The following TMEM117 variants were observed in gnomAD, a reference collection of about 807,000 sequenced individuals.
The protein encoded by TMEM117 is transmembrane protein 117.
TMEM117 carries 27 observed loss-of-function variants against 52.4 expected under a neutral mutation model. That is an observed-to-expected ratio of 0.51 (90% CI 0.38 to 0.71). The LOEUF (loss-of-function observed/expected upper bound fraction) is 0.71, where lower values mean the gene tolerates loss of function less well. Ranked by LOEUF, TMEM117 falls within the 30% of genes least tolerant of loss-of-function variation. The probability of loss-of-function intolerance (pLI) is 0.00; values close to 1 mark genes in which losing one functional copy is unlikely to be tolerated. For missense variants in TMEM117, 556 were observed against 630.5 expected (o/e 0.88, Z 1.26); for synonymous variants, 215 against 206.3 (o/e 1.04, Z -0.36).
At chr12:44,073,422 A>T (rs563222091) in intron 3 of TMEM117, 1 of 151,034 alleles carries the variant, frequency 6.6e-6, no homozygotes, top group South Asian at 2.1e-4. Context: ...AATACCTTCA[A>T]GTATGTTTCT....
chr12:43,961,222 C>T (rs7979913), intron 3 of TMEM117, among the ~76,000 whole-genome samples: 145,153 of 152,230 alleles, frequency 0.95, 69,585 homozygotes, highest in East Asian at 1. Flanking sequence ...AAACAGAAAA[C>T]ATATATTTTA....
At chr12:43,876,720 A>G (rs569962845) in intron 2 of TMEM117, among the ~76,000 whole-genome samples, 26 of 152,292 alleles carry the variant, frequency 1.7e-4, no homozygotes, top group African/African-American at 5.1e-4. Context: ...GCGTTTTCCA[A>G]TGCTGTGCTT....
At chr12:43,826,252 A>G in the TMEM117 span, among the ~76,000 whole-genome samples, 8 of 152,204 alleles carry the variant, frequency 5.3e-5, no homozygotes, top group Non-Finnish European at 5.9e-5. Context: ...CGACAAGCCA[A>G]TAATAGGAAG....
chr12:44,350,956 G>A (rs751777938), intron 6 of TMEM117, among the ~76,000 whole-genome samples: 2 of 151,996 alleles, frequency 1.3e-5, no homozygotes, highest in African/African-American at 4.8e-5. Flanking sequence ...CTCCATAGTG[G>A]TTGTACTACT....
chr12:44,372,864 C>T (rs1214985308), intron 6 of TMEM117, among the ~76,000 whole-genome samples: 1 of 152,188 alleles, frequency 6.6e-6, no homozygotes, highest in Non-Finnish European at 1.5e-5. Flanking sequence ...TGACAACTTT[C>T]CTGAGGCAGA....
chr12:44,014,898 A>G (rs1477405644), intron 3 of TMEM117, among the ~76,000 whole-genome samples: 1 of 152,040 alleles, frequency 6.6e-6, no homozygotes, highest in Non-Finnish European at 1.5e-5. Flanking sequence ...AATATCATTT[A>G]ATTAAGCTTT....
At chr12:43,901,291 CG>C (rs1944300019) in intron 2 of TMEM117, among the ~76,000 whole-genome samples, 1 of 151,826 alleles carries the variant, frequency 6.6e-6, no homozygotes, top group Non-Finnish European at 1.5e-5. Flanking sequence ...TCATTTGCCC[CG>C]TTTTTTGTTT....
intron 2 of TMEM117, among the ~76,000 whole-genome samples, chr12:43,903,154 A>G (rs758147386): frequency 1.3e-5 from 2 of 152,218 alleles, no homozygotes; most frequent in Non-Finnish European, 2.9e-5. Context: ...CTTGATATAT[A>G]CTTTTCAGAA....
intron 3 of TMEM117, among the ~76,000 whole-genome samples, chr12:44,005,550 A>G (rs1946180897): frequency 6.6e-6 from 1 of 152,238 alleles, no homozygotes; most frequent in Admixed American, 6.5e-5. Context: ...CTGACACTTC[A>G]GGATGTTTCC....
intron 3 of TMEM117, among the ~76,000 whole-genome samples, chr12:44,132,634 G>C (rs1017911331): frequency 6.6e-6 from 1 of 152,046 alleles, no homozygotes; most frequent in Admixed American, 6.5e-5. Flanking sequence ...GACCATCCCC[G>C]TTCCTCAACC....
intron 4 of TMEM117, among the ~76,000 whole-genome samples, chr12:44,209,538 C>T (rs539620844): frequency 6.6e-6 from 1 of 152,116 alleles, no homozygotes; most frequent in South Asian, 2.1e-4. Flanking sequence ...TAGTGATTGA[C>T]AGTTTAAAGA....
intron 2 of TMEM117, among the ~76,000 whole-genome samples, chr12:43,852,762 TCAGA>T (rs1258892172): frequency 6.6e-6 from 1 of 152,238 alleles, no homozygotes; most frequent in East Asian, 1.9e-4. Context: ...AATGTATTTC[TCAGA>T]CAAACTCCTT....
intron 5 of TMEM117, among the ~76,000 whole-genome samples, chr12:44,282,139 C>T (rs1950584684): frequency 2.0e-5 from 3 of 152,078 alleles, no homozygotes; most frequent in Admixed American, 6.6e-5. Flanking sequence ...GTAAGAAGTG[C>T]CTTTCGCCTC....
intron 3 of TMEM117, among the ~76,000 whole-genome samples, chr12:43,973,258 T>C (rs1479996771): frequency 2.0e-5 from 3 of 152,136 alleles, no homozygotes; most frequent in Non-Finnish European, 4.4e-5. Flanking sequence ...AGGCCTCTCA[T>C]GTGTGCTTTA....
intron 3 of TMEM117, among the ~76,000 whole-genome samples, chr12:44,060,979 C>G (rs576205587): frequency 2.6e-5 from 4 of 152,098 alleles, no homozygotes; most frequent in Non-Finnish European, 5.9e-5. Context: ...CAGATTTAGG[C>G]ACTGTTTGGT....
chr12:43,797,238 A>T, the TMEM117 span: 10 of 1,506,582 alleles, frequency 6.6e-6, no homozygotes, highest in Admixed American at 2.2e-4. Flanking sequence ...ATAAGTAAGA[A>T]TATAGGGCTG....
At chr12:44,044,828 G>A (rs1226783315) in intron 3 of TMEM117, among the ~76,000 whole-genome samples, 6 of 152,228 alleles carry the variant, frequency 3.9e-5, no homozygotes, top group African/African-American at 1.4e-4. Flanking sequence ...ACCTGGTTGT[G>A]CACTTTGCAT....
At chr12:44,099,930 A>C (rs1308707131) in intron 3 of TMEM117, among the ~76,000 whole-genome samples, 1 of 151,388 alleles carries the variant, frequency 6.6e-6, no homozygotes, top group African/African-American at 2.4e-5. Flanking sequence ...TGATGACCTG[A>C]TATTGCTTTA....
rs537130469 is a variant in TMEM117, at chr12:43,838,678, T to C, written c.-29+2482T>C. ...GTCATCACTTAGTACTTACTCTTACTTCCTTCCCATTGGAATTTTATTCTG... is the reference window on the plus strand; with the variant it reads ...GTCATCACTTAGTACTTACTCTTACCTCCTTCCCATTGGAATTTTATTCTG... On this transcript the variant is annotated intron_variant, in intron 1 of 7. Transcript: ENST00000266534. 6.7e-5 allele frequency among the ~76,000 whole-genome samples: 10 copies of C among 150,286 alleles called. No homozygotes were observed. The South Asian group carries it at 2.2e-3, about 32-fold the overall frequency.
Sources: allele counts gnomAD v4.1 joint callset (sites outside exome capture counted in the v4.1 genomes callset), GRCh38; gene constraint gnomAD v4.1.1; transcripts MANE v1.5; gene names NCBI Gene and HGNC (gene_info 2026-07-23, HGNC 2026-07-21).